The following CFAP77 variants were observed in gnomAD, a reference collection of about 807,000 sequenced individuals.
CFAP77 encodes the protein cilia- and flagella-associated protein 77.
Under a neutral mutation model 31.1 loss-of-function variants are expected in CFAP77, and 25 were observed. The observed-to-expected ratio is 0.80, with a 90% CI of 0.59 to 1.12. The LOEUF is 1.12. Among genes scored for constraint, CFAP77 ranks in the 50% most tolerant of loss-of-function variants. The pLI, the probability that CFAP77 is intolerant of heterozygous loss-of-function variation, is 0.00. For missense variants in CFAP77, 377 were observed against 397.3 expected (o/e 0.95, Z 0.44); for synonymous variants, 151 against 159.9 (o/e 0.94, Z 0.42).
intron 1 of CFAP77, among the ~76,000 whole-genome samples, chr9:132,430,699 C>G (rs1034126771): frequency 2.0e-5 from 3 of 152,144 alleles, no homozygotes; most frequent in Admixed American, 1.3e-4. Flanking sequence ...GCACTTCAAG[C>G]TATTTTTACC....
chr9:132,411,135 G>A (rs1010643588), intron 1 of CFAP77, among the ~76,000 whole-genome samples: 9 of 152,232 alleles, frequency 5.9e-5, no homozygotes, highest in Admixed American at 1.3e-4. Context: ...TCCCGCTGAT[G>A]GGAAACCAAC....
At chr9:132,535,295 A>G (rs1448535447) in intron 3 of CFAP77, among the ~76,000 whole-genome samples, 1 of 152,228 alleles carries the variant, frequency 6.6e-6, no homozygotes, top group African/African-American at 2.4e-5. Flanking sequence ...TGTATACATA[A>G]TAGTTTCAAA....
intron 3 of CFAP77, among the ~76,000 whole-genome samples, chr9:132,537,078 A>G (rs1852555881): frequency 6.6e-6 from 1 of 152,152 alleles, no homozygotes; most frequent in East Asian, 1.9e-4. Context: ...TCAGTTCCAG[A>G]TACAACAGAA....
At chr9:132,572,209 T>TG (rs1386889128) in intron 5 of CFAP77, among the ~76,000 whole-genome samples, 179 bp from the exon 6 acceptor site, 2 of 152,070 alleles carry the variant, frequency 1.3e-5, no homozygotes, top group Non-Finnish European at 2.9e-5. Flanking sequence ...AGGTAGCCCC[T>TG]GCTCTCTGCC....
chr9:132,427,346 G>A (rs905632135), intron 1 of CFAP77, among the ~76,000 whole-genome samples: 19 of 152,274 alleles, frequency 1.2e-4, no homozygotes, highest in African/African-American at 4.6e-4. Context: ...TTCCGGCCAT[G>A]CCCAGCCCAT....
chr9:132,521,412 T>C (rs1852261961), intron 3 of CFAP77, among the ~76,000 whole-genome samples: 1 of 152,150 alleles, frequency 6.6e-6, no homozygotes, highest in Non-Finnish European at 1.5e-5. Flanking sequence ...TCAGCTTCTC[T>C]ACTGAGTGCA....
chr9:132,429,409 GTT>G (rs1459696991), intron 1 of CFAP77, among the ~76,000 whole-genome samples: 5 of 151,636 alleles, frequency 3.3e-5, no homozygotes, highest in African/African-American at 9.7e-5. Context: ...GGTGGTGGCG[GTT>G]CCTGTAGTCC....
chr9:132,420,954 C>G (rs7037570), intron 1 of CFAP77, among the ~76,000 whole-genome samples: 1 of 150,250 alleles, frequency 6.7e-6, no homozygotes, highest in African/African-American at 2.5e-5. Context: ...TTCACCTGGA[C>G]GAAAGGAGAT....
intron 3 of CFAP77, among the ~76,000 whole-genome samples, chr9:132,535,437 C>T (rs1261260213): frequency 1.3e-5 from 2 of 152,088 alleles, no homozygotes; most frequent in Non-Finnish European, 2.9e-5. Flanking sequence ...TGAAGCTGGG[C>T]GAGGTGGCTC....
chr9:132,473,460 C>T (rs938541545), intron 1 of CFAP77, among the ~76,000 whole-genome samples: 2 of 152,176 alleles, frequency 1.3e-5, no homozygotes, highest in African/African-American at 2.4e-5. Context: ...TGATGAGTAA[C>T]AGAGCTTGGA....
At chr9:132,514,166 G>A (rs1852101689) in intron 3 of CFAP77, among the ~76,000 whole-genome samples, 1 of 151,904 alleles carries the variant, frequency 6.6e-6, no homozygotes, top group Admixed American at 6.6e-5. Context: ...GGGTGACAGT[G>A]AGGAGACGCC....
At chr9:132,515,756 G>A (rs902639740) in intron 3 of CFAP77, among the ~76,000 whole-genome samples, 4 of 152,152 alleles carry the variant, frequency 2.6e-5, no homozygotes, top group Admixed American at 2.6e-4. Flanking sequence ...CTGAAGACTC[G>A]AGACTCAACA....
intron 3 of CFAP77, among the ~76,000 whole-genome samples, chr9:132,518,112 C>T (rs1215303849): frequency 6.6e-6 from 1 of 152,066 alleles, no homozygotes; most frequent in African/African-American, 2.4e-5. Context: ...ACAGGCTGTT[C>T]AGGAGTCCAC....
chr9:132,512,731 A>G (rs571083), intron 3 of CFAP77, among the ~76,000 whole-genome samples: 92,146 of 152,054 alleles, frequency 0.61, 29,228 homozygotes, highest in East Asian at 0.81. Flanking sequence ...CAGATCACCT[A>G]AGGTCAGGAG....
intron 1 of CFAP77, among the ~76,000 whole-genome samples, chr9:132,478,049 A>G (rs1266056387): frequency 1.3e-5 from 2 of 151,986 alleles, no homozygotes; most frequent in South Asian, 2.1e-4. Flanking sequence ...CGTCTACCCA[A>G]CCTAACCAGG....
At chr9:132,420,642 TG>T (rs1306460925) in intron 1 of CFAP77, among the ~76,000 whole-genome samples, 2 of 149,790 alleles carry the variant, frequency 1.3e-5, no homozygotes, top group African/African-American at 2.5e-5. Context: ...GCCTGCAGCC[TG>T]GGTGACAAGT....
At chr9:132,439,451 C>G (rs1850575915) in intron 1 of CFAP77, among the ~76,000 whole-genome samples, 1 of 152,050 alleles carries the variant, frequency 6.6e-6, no homozygotes, top group Non-Finnish European at 1.5e-5. Context: ...GCTCTGAGCC[C>G]TGAGCCGAGA....
intron 5 of CFAP77, among the ~76,000 whole-genome samples, chr9:132,566,581 C>A (rs375380297): frequency 5.9e-5 from 9 of 152,330 alleles, no homozygotes; most frequent in Admixed American, 2.6e-4. Context: ...CCCCTCTCCA[C>A]AGACAACTGT....
chr9:132,551,865 C>T (rs951923917), intron 5 of CFAP77, among the ~76,000 whole-genome samples: 7 of 152,116 alleles, frequency 4.6e-5, no homozygotes, highest in African/African-American at 1.2e-4. Flanking sequence ...AATGCGGGCC[C>T]GGGAAGGAAA....
Sources: allele counts gnomAD v4.1 joint callset (sites outside exome capture counted in the v4.1 genomes callset), GRCh38; gene constraint gnomAD v4.1.1; transcripts MANE v1.5; gene names NCBI Gene and HGNC (gene_info 2026-07-23, HGNC 2026-07-21).